Variants in TRDN observed in about 807,000 individuals in gnomAD.
The protein encoded by TRDN is triadin in skeletal muscle.
A neutral mutation model predicts 149.7 loss-of-function variants in TRDN; 161 were observed. That is an observed-to-expected ratio of 1.08 (90% CI 0.95 to 1.23). The LOEUF is 1.23. Ranked by LOEUF, TRDN falls within the 50% of genes most tolerant of loss-of-function variation. The pLI is 0.00. For missense variants in TRDN, 896 were observed against 823.5 expected (o/e 1.09, Z -1.08); for synonymous variants, 294 against 250.5 (o/e 1.17, Z -1.64).
intron 8 of TRDN, chr6:123,502,730 C>A: frequency 3.0e-6 from 3 of 984,286 alleles, no homozygotes; most frequent in Non-Finnish European, 3.6e-6. Flanking sequence ...TAATAGAAAC[C>A]AATTCTTTGA....
intron 5 of TRDN, among the ~76,000 whole-genome samples, chr6:123,529,778 C>CA (rs1780140341): frequency 6.6e-6 from 1 of 151,938 alleles, no homozygotes; most frequent in African/African-American, 2.4e-5. Flanking sequence ...CTGGCTCATT[C>CA]AAAATCATGT....
chr6:123,274,490 T>A, intron 27 of TRDN, 151 bp downstream of exon 27: 1 of 613,206 alleles, frequency 1.6e-6, no homozygotes, highest in Non-Finnish European at 2.7e-6. Context: ...TCCAGTGCTA[T>A]AAAATCATGT....
chr6:123,392,518 C>G (rs906565742), intron 13 of TRDN, among the ~76,000 whole-genome samples: 10 of 152,048 alleles, frequency 6.6e-5, no homozygotes, highest in African/African-American at 1.9e-4. Flanking sequence ...AGGAACTCAC[C>G]CTGACCTGCA....
chr6:123,282,587 A>G (rs1777623839), intron 24 of TRDN, among the ~76,000 whole-genome samples: 1 of 151,928 alleles, frequency 6.6e-6, no homozygotes, highest in African/African-American at 2.4e-5. Flanking sequence ...AGTGCGCTAA[A>G]GCCTATATAT....
chr6:123,256,108 G>A (rs1224855113), intron 35 of TRDN, among the ~76,000 whole-genome samples: 1 of 151,802 alleles, frequency 6.6e-6, no homozygotes, highest in Non-Finnish European at 1.5e-5. Flanking sequence ...CCCTCAGAGA[G>A]GCCCCAATGT....
chr6:123,554,314 A>C (rs948238399), intron 2 of TRDN, among the ~76,000 whole-genome samples: 1 of 152,160 alleles, frequency 6.6e-6, no homozygotes, highest in Non-Finnish European at 1.5e-5. Flanking sequence ...TTTCTCTTTT[A>C]CAACAATTAT....
chr6:123,376,496 C>T (rs1281451460), intron 18 of TRDN, among the ~76,000 whole-genome samples: 2 of 152,172 alleles, frequency 1.3e-5, no homozygotes, highest in African/African-American at 4.8e-5. Context: ...CCAATGTGTC[C>T]TGGCATTACA....
intron 4 of TRDN, among the ~76,000 whole-genome samples, chr6:123,545,622 C>T (rs1270338735): frequency 6.6e-6 from 1 of 151,768 alleles, no homozygotes; most frequent in Non-Finnish European, 1.5e-5. Context: ...AAAGTCAATT[C>T]TCCTAATTCT....
intron 12 of TRDN, among the ~76,000 whole-genome samples, chr6:123,399,423 A>G (rs1772871459): frequency 6.6e-6 from 1 of 152,234 alleles, no homozygotes; most frequent in Admixed American, 6.5e-5. Context: ...TTTTTTTAAC[A>G]TAAAGGAAAG....
chr6:123,383,038 G>A (rs1781778415), intron 14 of TRDN, among the ~76,000 whole-genome samples: 1 of 152,020 alleles, frequency 6.6e-6, no homozygotes, highest in South Asian at 2.1e-4. Context: ...ACCTGCAAAA[G>A]GTAGCTAAAT....
At chr6:123,280,226 G>T (rs1777532880) in intron 24 of TRDN, among the ~76,000 whole-genome samples, 1 of 152,098 alleles carries the variant, frequency 6.6e-6, no homozygotes, top group African/African-American at 2.4e-5. Flanking sequence ...GAGTTCTGGA[G>T]ATGTGTGGAA....
chr6:123,352,172 T>C (rs1582905346), intron 21 of TRDN: 5 of 984,758 alleles, frequency 5.1e-6, no homozygotes, highest in Non-Finnish European at 6.0e-6. Context: ...GATTGGGCCA[T>C]CTTTATTTTT....
intron 23 of TRDN, among the ~76,000 whole-genome samples, chr6:123,329,506 A>T (rs1444557075): frequency 6.6e-6 from 1 of 152,068 alleles, no homozygotes; most frequent in Non-Finnish European, 1.5e-5. Context: ...ATCCCCTTTA[A>T]TGAAAGAGAA....
intron 9 of TRDN, among the ~76,000 whole-genome samples, chr6:123,485,831 T>C (rs1296211371): frequency 6.6e-6 from 1 of 152,148 alleles, no homozygotes; most frequent in African/African-American, 2.4e-5. Flanking sequence ...TATAATTAAT[T>C]CTTTTTATGA....
At chr6:123,419,827 T>C (rs1385533428) in intron 12 of TRDN, among the ~76,000 whole-genome samples, 3 of 152,198 alleles carry the variant, frequency 2.0e-5, no homozygotes, top group African/African-American at 7.2e-5. Flanking sequence ...GTGCTAATGG[T>C]CATTGAAACT....
intron 4 of TRDN, among the ~76,000 whole-genome samples, chr6:123,533,253 A>T (rs1780338331): frequency 6.6e-6 from 1 of 152,082 alleles, no homozygotes; most frequent in Non-Finnish European, 1.5e-5. Flanking sequence ...TTTTAGAGGT[A>T]GGGGTGTGTG....
At chr6:123,605,464 G>A (rs192966077) in intron 1 of TRDN, among the ~76,000 whole-genome samples, 7 of 151,718 alleles carry the variant, frequency 4.6e-5, no homozygotes, top group Admixed American at 1.3e-4. Flanking sequence ...GATTCAAGAC[G>A]GTTTAGTGAT....
chr6:123,477,906 T>G (rs1777567965), intron 9 of TRDN, among the ~76,000 whole-genome samples: 1 of 115,646 alleles, frequency 8.6e-6, no homozygotes, highest in African/African-American at 3.5e-5. Flanking sequence ...CTGGGGACTG[T>G]TGTGGGGTCG....
intron 21 of TRDN, among the ~76,000 whole-genome samples, chr6:123,343,347 G>A (rs1780133342): frequency 6.6e-6 from 1 of 151,140 alleles, no homozygotes; most frequent in Non-Finnish European, 1.5e-5. Flanking sequence ...ATTCTATATT[G>A]TCTTTTGAAC....
Sources: gnomAD v4.1 joint callset for allele counts (sites outside exome capture counted in the v4.1 genomes callset) on GRCh38, gnomAD v4.1.1 for gene constraint, MANE v1.5 for transcripts, NCBI Gene and HGNC (gene_info 2026-07-23, HGNC 2026-07-21) for gene names.